The following PRKCA variants were observed in gnomAD, a reference collection of about 807,000 sequenced individuals.
The protein encoded by PRKCA is protein kinase C alpha type.
In PRKCA, 27 loss-of-function variants were observed where a neutral mutation model predicts 87.0. The observed-to-expected ratio is 0.31, with a 90% CI of 0.23 to 0.43. The LOEUF (loss-of-function observed/expected upper bound fraction) is 0.43, where lower values mean the gene tolerates loss of function less well. Among genes scored for constraint, PRKCA ranks in the 20% least tolerant of loss-of-function variants. PRKCA has a pLI of 1.00. For missense variants in PRKCA, 518 were observed against 852.3 expected, an observed-to-expected ratio of 0.61 and a Z score of 4.88; for synonymous variants, 329 against 311.1, an observed-to-expected ratio of 1.06 and a Z score of -0.61.
At chr17:66,654,626 T>G (rs1481350569) in intron 5 of PRKCA, among the ~76,000 whole-genome samples, 2 of 152,230 alleles carry the variant, frequency 1.3e-5, no homozygotes, top group Admixed American at 6.5e-5. Flanking sequence ...ACACTGTTGC[T>G]TCAAGTGCTT....
chr17:66,467,809 T>C (rs10451277), intron 2 of PRKCA, among the ~76,000 whole-genome samples: 9,665 of 152,106 alleles, frequency 0.064, 1,021 homozygotes, highest in African/African-American at 0.22. Context: ...CCCCACGCCT[T>C]GGCCTTCCAA....
At chr17:66,376,278 G>A (rs768109778) in intron 2 of PRKCA, among the ~76,000 whole-genome samples, 1 of 152,166 alleles carries the variant, frequency 6.6e-6, no homozygotes, top group African/African-American at 2.4e-5. Context: ...TGCTATGGGC[G>A]AGGCTGGCAC....
In PRKCA at chr17:66,793,540, A is replaced by C. The variant is rs534670294; in HGVS notation, c.1854+4561A>C. ...GGGAGGCGGAAGTTGCAGTGAGCCC[A>C]GATTGCGTCATTGCACTACAGCCTG... On this transcript the variant is annotated intron_variant, in intron 16 of 16. Coordinates refer to ENST00000413366, the MANE Select transcript of PRKCA (RefSeq NM_002737.3). Among the ~76,000 whole-genome samples, 50 of 136,134 alleles carry C rather than the reference A, an allele frequency of 3.7e-4. No homozygotes were observed. The Middle Eastern group carries it at 0.011, about 31-fold the overall frequency. The allele number at this position is 136,134 out of a possible 152,430, so 89.3% of individuals were successfully genotyped here.
At chr17:66,328,333 C>G (rs568945759) in intron 2 of PRKCA, among the ~76,000 whole-genome samples, 1 of 152,070 alleles carries the variant, frequency 6.6e-6, no homozygotes, top group Admixed American at 6.5e-5. Flanking sequence ...CTTGGCCTCC[C>G]AAAGTGTTGG....
intron 3 of PRKCA, among the ~76,000 whole-genome samples, chr17:66,522,397 A>C (rs1457484539): frequency 6.6e-6 from 1 of 152,162 alleles, no homozygotes; most frequent in African/African-American, 2.4e-5. Context: ...GGCAGAAAGG[A>C]GCTCTTGTCA....
intron 3 of PRKCA, among the ~76,000 whole-genome samples, chr17:66,531,246 G>A (rs950924175): frequency 2.6e-5 from 4 of 152,176 alleles, no homozygotes; most frequent in Non-Finnish European, 2.9e-5. Flanking sequence ...AGGAGGAGCC[G>A]CGTTCACATA....
chr17:66,488,372 G>A (rs1295668984), intron 2 of PRKCA, among the ~76,000 whole-genome samples: 1 of 152,208 alleles, frequency 6.6e-6, no homozygotes, highest in Non-Finnish European at 1.5e-5. Flanking sequence ...GAAGGTGATA[G>A]CCTTGCTGAC....
At chr17:66,712,153 C>T (rs1973347074) in intron 8 of PRKCA, among the ~76,000 whole-genome samples, 1 of 152,148 alleles carries the variant, frequency 6.6e-6, no homozygotes, top group Non-Finnish European at 1.5e-5. Flanking sequence ...TGGAGTAAAA[C>T]CCTCCAGCAT....
At chr17:66,627,138 G>T (rs952074173) in intron 3 of PRKCA, among the ~76,000 whole-genome samples, 1 of 152,172 alleles carries the variant, frequency 6.6e-6, no homozygotes, top group Non-Finnish European at 1.5e-5. Context: ...TTTTCATTAG[G>T]TATTTGTTTT....
At chr17:66,776,972 C>G (rs1040915500) in intron 14 of PRKCA, among the ~76,000 whole-genome samples, 1 of 152,214 alleles carries the variant, frequency 6.6e-6, no homozygotes, top group Non-Finnish European at 1.5e-5. Context: ...CCTTTTCATG[C>G]GCGTGCTTGA....
At chr17:66,419,253 A>G (rs916331158) in intron 2 of PRKCA, among the ~76,000 whole-genome samples, 3 of 152,208 alleles carry the variant, frequency 2.0e-5, no homozygotes, top group African/African-American at 7.2e-5. Flanking sequence ...TACTGAGTAG[A>G]GACATTTTTT....
chr17:66,431,665 A>T (rs1795546958), intron 2 of PRKCA, among the ~76,000 whole-genome samples: 1 of 152,178 alleles, frequency 6.6e-6, no homozygotes. Flanking sequence ...AGTGACACAC[A>T]TGCCCTTCCC....
chr17:66,329,502 C>A (rs568164201), intron 2 of PRKCA, among the ~76,000 whole-genome samples: 1 of 152,120 alleles, frequency 6.6e-6, no homozygotes, highest in South Asian at 2.1e-4. Flanking sequence ...TGGAAGAAGG[C>A]ACAGAGAGAA....
intron 3 of PRKCA, among the ~76,000 whole-genome samples, chr17:66,549,524 G>A (rs1226614265): frequency 6.6e-6 from 1 of 152,216 alleles, no homozygotes; most frequent in African/African-American, 2.4e-5. Flanking sequence ...GGGAATGACA[G>A]TGCATTTGCC....
intron 10 of PRKCA, among the ~76,000 whole-genome samples, chr17:66,737,117 C>A (rs1241254803): frequency 6.6e-6 from 1 of 151,652 alleles, no homozygotes; most frequent in East Asian, 1.9e-4. Flanking sequence ...CTGTGGGAGG[C>A]CAAGGCGGGC....
At chr17:66,746,569 A>G (rs1325693423) in intron 13 of PRKCA, among the ~76,000 whole-genome samples, 1 of 152,202 alleles carries the variant, frequency 6.6e-6, no homozygotes, top group Admixed American at 6.5e-5. Flanking sequence ...ATTCTCCTTA[A>G]TAGGCAAAGC....
At chr17:66,460,195 T>G (rs187720488) in intron 2 of PRKCA, among the ~76,000 whole-genome samples, 41 of 152,308 alleles carry the variant, frequency 2.7e-4, no homozygotes, top group Admixed American at 2.6e-3. Context: ...ATGAAATCTA[T>G]GAAGGTCATT....
At chr17:66,314,339 C>T (rs901531318) in intron 2 of PRKCA, among the ~76,000 whole-genome samples, 11 of 151,994 alleles carry the variant, frequency 7.2e-5, no homozygotes, top group Non-Finnish European at 1.5e-4. Context: ...AAACTTAAGG[C>T]ATGGCCACTT....
rs563242405 is a variant in PRKCA, at chr17:66,562,745, C to T, written c.288+66462C>T. On this transcript the variant is annotated intron_variant, in intron 3 of 16. Coordinates refer to ENST00000413366, the MANE Select transcript of PRKCA (RefSeq NM_002737.3). Reference sequence around the variant, plus strand: ...CTGAGTAGCTGGGATTACAGGTGCGCGCCACCACGCCCAGCTAATTTTTGT... The same window carrying T: ...CTGAGTAGCTGGGATTACAGGTGCGTGCCACCACGCCCAGCTAATTTTTGT... Among the ~76,000 whole-genome samples, 146 of 152,068 alleles carry T rather than the reference C, an allele frequency of 9.6e-4. No homozygotes were observed. In the South Asian group the frequency reaches 0.014, roughly 15 times the overall value.
Sources: gnomAD v4.1 joint callset for allele counts (sites outside exome capture counted in the v4.1 genomes callset) on GRCh38, gnomAD v4.1.1 for gene constraint, MANE v1.5 for transcripts, NCBI Gene and HGNC (gene_info 2026-07-23, HGNC 2026-07-21) for gene names.